The following ABHD6 variants were observed in gnomAD, a reference collection of about 807,000 sequenced individuals.
The protein encoded by ABHD6 is monoacylglycerol lipase ABHD6.
ABHD6 carries 33 observed loss-of-function variants against 38.8 expected under a neutral mutation model. That is an observed-to-expected ratio of 0.85 (90% confidence interval 0.64 to 1.14). The LOEUF (loss-of-function observed/expected upper bound fraction) is 1.14, where lower values mean the gene tolerates loss of function less well. Among genes scored for constraint, ABHD6 ranks in the 50% most tolerant of loss-of-function variants. The pLI is 0.00. For synonymous variants in ABHD6, 147 were observed against 161.6 expected, an observed-to-expected ratio of 0.91 and a Z score of 0.69; for missense variants, 380 against 422.6, an observed-to-expected ratio of 0.90 and a Z score of 0.88.
At chr3:58,277,156 T>G (rs949958750) in intron 7 of ABHD6, among the ~76,000 whole-genome samples, 1 of 152,182 alleles carries the variant, frequency 6.6e-6, no homozygotes, top group African/African-American at 2.4e-5. Context: ...GTGAAGAAAG[T>G]CATTGGTAGC....
chr3:58,263,130 A>C lies in ABHD6; in HGVS notation c.120-4059A>C, dbSNP rs2097438216. The stretch of plus-strand genomic sequence containing the variant: ...GGCTGAAGTGGGAGAATCGTTTGAA[A>C]GCAGAAGGTGGAGGTTGCAGTGAGC... On this transcript the variant is annotated intron_variant, in intron 3 of 9. Coordinates refer to ENST00000478253, the MANE Select transcript of ABHD6 (RefSeq NM_001320126.2). This position sits in a 1 kb window ranked among gnomAD's most constrained non-coding sequence, Gnocchi z 4.9. Among the ~76,000 whole-genome samples, 1 of 152,062 alleles carries C rather than the reference A, an allele frequency of 6.6e-6. No homozygotes were observed. The highest frequency in any genetic ancestry group is 2.4e-5 in the African/African-American group (1 of 41,400).
At chr3:58,274,231 C>A (rs2097447107) in intron 6 of ABHD6, among the ~76,000 whole-genome samples, 1 of 152,206 alleles carries the variant, frequency 6.6e-6, no homozygotes, top group Non-Finnish European at 1.5e-5. Context: ...ATGTTTTCTT[C>A]CGGTCATGTA....
chr3:58,241,564 T>C (rs1247394579), intron 1 of ABHD6, among the ~76,000 whole-genome samples: 1 of 152,238 alleles, frequency 6.6e-6, no homozygotes, highest in Admixed American at 6.5e-5. Context: ...TTCCAGAAGC[T>C]GTGGCTGTTT....
intron 5 of ABHD6, 143 bp from the exon 6 acceptor site, chr3:58,270,789 A>C: frequency 8.4e-6 from 7 of 830,424 alleles, no homozygotes; most frequent in East Asian, 2.8e-5. Flanking sequence ...TCATCTTATA[A>C]TGGATCCAGT....
Position 58,277,937 on chromosome 3 carries a change from G to A in ABHD6, c.681+3122G>A, listed in dbSNP as rs150886331. Among the ~76,000 whole-genome samples, 1,205 of 152,294 alleles carry A rather than the reference G, an allele frequency of 7.9e-3. 12 individuals carry two copies. Among genetic ancestry groups the A allele is most frequent in the African/African-American group, 0.027 (1,142 of 41,562 alleles). On this transcript the variant is annotated intron_variant, in intron 7 of 9. Coordinates refer to ENST00000478253, the MANE Select transcript of ABHD6 (RefSeq NM_001320126.2). ...TTATTGATTTGTGTATGTTGAACCA[G>A]CCTTACATCTCAGGGATGAAGCCGA...
At chr3:58,270,551 G>A (rs2097444132) in intron 5 of ABHD6, among the ~76,000 whole-genome samples, 1 of 150,676 alleles carries the variant, frequency 6.6e-6, no homozygotes, top group Non-Finnish European at 1.5e-5. Context: ...GTGCATGCCT[G>A]TAGTTCTAGC....
At chr3:58,268,076 AAAAC>A (rs564798689) in intron 4 of ABHD6, among the ~76,000 whole-genome samples, 175 of 152,340 alleles carry the variant, frequency 1.1e-3, no homozygotes, top group African/African-American at 3.6e-3. Context: ...ACCCTGTCTC[AAAAC>A]AAACAAACAA....
intron 7 of ABHD6, among the ~76,000 whole-genome samples, chr3:58,275,626 T>A (rs576779363): frequency 1.3e-5 from 2 of 152,068 alleles, no homozygotes; most frequent in Admixed American, 6.6e-5. Flanking sequence ...CTCACCTGGC[T>A]AGGACCCCTT....
intron 1 of ABHD6, among the ~76,000 whole-genome samples, chr3:58,246,452 TC>T (rs755348119): frequency 6.6e-6 from 1 of 152,212 alleles, no homozygotes; most frequent in Non-Finnish European, 1.5e-5. Flanking sequence ...TGCCTGTCCC[TC>T]CTCTGCCTGT....
At chr3:58,248,413 C>T (rs1163835841) in intron 1 of ABHD6, among the ~76,000 whole-genome samples, 3 of 152,080 alleles carry the variant, frequency 2.0e-5, no homozygotes. Flanking sequence ...AAGAAAAGAT[C>T]ATAGCCAGGC....
chr3:58,291,224 G>A (rs1289078703), intron 9 of ABHD6, among the ~76,000 whole-genome samples: 27 of 150,904 alleles, frequency 1.8e-4, no homozygotes, highest in Admixed American at 1.6e-3. Flanking sequence ...AAAAAAATAC[G>A]AAAACCAGTC....
At chr3:58,252,242 T>G (rs1224052362) in intron 2 of ABHD6, among the ~76,000 whole-genome samples, 1 of 145,382 alleles carries the variant, frequency 6.9e-6, no homozygotes, top group Non-Finnish European at 1.5e-5. Context: ...TTTTTTTTTT[T>G]TTTTTTTTTT....
chr3:58,261,798 C>T (rs115599955), intron 3 of ABHD6, among the ~76,000 whole-genome samples: 1 of 152,262 alleles, frequency 6.6e-6, no homozygotes, highest in South Asian at 2.1e-4. Context: ...TGTCGGCTCC[C>T]CAGAAAGTTA....
chr3:58,241,738 C>T (rs777416940), intron 1 of ABHD6, among the ~76,000 whole-genome samples: 6 of 152,202 alleles, frequency 3.9e-5, no homozygotes, highest in Non-Finnish European at 8.8e-5. Flanking sequence ...GAGCAGTGGC[C>T]ATGCAGGGTG....
intron 2 of ABHD6, among the ~76,000 whole-genome samples, chr3:58,253,047 A>G (rs1011939060): frequency 2.0e-5 from 3 of 152,186 alleles, no homozygotes; most frequent in Admixed American, 6.5e-5. Flanking sequence ...TAAATTGATC[A>G]TGTTCTACAA....
In ABHD6 at chr3:58,293,275, G is replaced by A. The variant is rs1283538667; in HGVS notation, c.838-314G>A. 6.6e-6 allele frequency among the ~76,000 whole-genome samples: 1 copy of A among 152,146 alleles called. No individual in the cohort carries two copies. Among genetic ancestry groups the A allele is most frequent in the African/African-American group, 2.4e-5 (1 of 41,428 alleles). ...AGGAACGAGGTCTTCCCTCGACCCT[G>A]CTCATCCCCTGTGCTCTCTGACTTC... On this transcript the variant is annotated intron_variant, in intron 9 of 9. Coordinates refer to ENST00000478253, the MANE Select transcript of ABHD6 (RefSeq NM_001320126.2). The surrounding 1 kb of genome is among the most constrained non-coding windows in gnomAD (Gnocchi z 4.4).
intron 2 of ABHD6, among the ~76,000 whole-genome samples, chr3:58,253,868 C>T (rs2097431536): frequency 5.9e-5 from 9 of 152,152 alleles, no homozygotes; most frequent in Admixed American, 5.9e-4. Context: ...TCACTGTAGA[C>T]TCAGGACTGT....
rs959135826 is a variant in ABHD6, at chr3:58,256,819, G to A, written c.119+114G>A. ...TTTATCAGGAAGTATTTCAGACAGA[G>A]AGAAAAGTTGAAAGGTACTCATCCT... On this transcript the variant is annotated intron_variant, in intron 3 of 9. Coordinates refer to ENST00000478253, the MANE Select transcript of ABHD6 (RefSeq NM_001320126.2). This position sits in a 1 kb window ranked among gnomAD's most constrained non-coding sequence, Gnocchi z 4.3. 2.2e-6 allele frequency: 2 copies of A among 893,752 alleles called. No individual in the cohort carries two copies. The highest frequency in any genetic ancestry group is 3.2e-5 in the South Asian group (2 of 63,080). The allele number at this position is 893,752 out of a possible 1,614,324, so 55.4% of individuals were successfully genotyped here. A position where few individuals can be genotyped will look rare whatever the true frequency, so the allele number is the denominator to read the frequency against.
intron 1 of ABHD6, among the ~76,000 whole-genome samples, chr3:58,247,311 C>G (rs1046202924): frequency 3.3e-5 from 5 of 151,824 alleles, no homozygotes; most frequent in African/African-American, 1.2e-4. Flanking sequence ...GCCTCTTGAA[C>G]TAGTGTAGAG....
Sources: allele counts gnomAD v4.1 joint callset (sites outside exome capture counted in the v4.1 genomes callset), GRCh38; gene constraint gnomAD v4.1.1; non-coding constraint Gnocchi (gnomAD v3.1); transcripts MANE v1.5; gene names NCBI Gene and HGNC (gene_info 2026-07-23, HGNC 2026-07-21).